The following BAHCC1 variants were observed in gnomAD, a reference collection of about 807,000 sequenced individuals.
BAHCC1 encodes the protein BAH domain and coiled-coil containing 1.
BAHCC1 carries 43 observed loss-of-function variants against 88.2 expected under a neutral mutation model. The ratio of observed to expected loss-of-function variants is 0.49; its 90% CI spans 0.38 to 0.63. BAHCC1 has a LOEUF of 0.63. Ranked by LOEUF, BAHCC1 falls within the 20% of genes least tolerant of loss-of-function variation. BAHCC1 has a pLI of 0.00. For synonymous variants in BAHCC1, 1,510 were observed against 745.5 expected, an observed-to-expected ratio of 2.03 and a Z score of -16.71; for missense variants, 3,023 against 1,654.8, an observed-to-expected ratio of 1.83 and a Z score of -14.34.
rs369124666 is a variant in BAHCC1 at position 81,442,264 on chromosome 17, C to T, written c.915C>T (p.Gly305=). Reference sequence around the variant, plus strand: ...CTGCGCTAGCCAGCTGTGCAGGGGGCATGCTGGGGCGGCCTGGCACGGGGG... The same window carrying T: ...CTGCGCTAGCCAGCTGTGCAGGGGGTATGCTGGGGCGGCCTGGCACGGGGG... The part of the protein sequence containing the change: ...GRAALASCAG[G]MLGRPGTGVV... Residue 305 remains glycine, a synonymous_variant, in exon 5 of 28, where the codon GGC becomes GGT. Coordinates refer to ENST00000675386, the MANE Select transcript of BAHCC1 (RefSeq NM_001377448.1). 1,677 of 626,180 alleles carry T rather than the reference C, an allele frequency of 2.7e-3. 34 individuals carry two copies. In the African/African-American group the frequency reaches 0.027, roughly 10 times the overall value. The allele number at this position is 626,180 out of a possible 1,614,324, so 38.8% of individuals were successfully genotyped here.
At chr17:81,426,091 T>TGGTGATAATTGTGGGTGATGTGGTTGGG (rs2064192914) in intron 2 of BAHCC1, among the ~76,000 whole-genome samples, 9 of 102,766 alleles carry the variant, frequency 8.8e-5, no homozygotes, top group African/African-American at 1.6e-4. Flanking sequence ...ATGTGGTTGG[T>TGGTGATAATTGTGGGTGATGTGGTTGGG]GGTGATAGTG....
At chr17:81,396,679 G>A (rs797034437) in intron 1 of BAHCC1, 4 of 152,198 alleles carry the variant, frequency 2.6e-5, no homozygotes, top group African/African-American at 9.6e-5. Flanking sequence ...TGCAAAAGCA[G>A]GAAACAAAGC....
chr17:81,404,049 G>A (rs1370228181), intron 2 of BAHCC1, among the ~76,000 whole-genome samples: 1 of 152,236 alleles, frequency 6.6e-6, no homozygotes, highest in African/African-American at 2.4e-5. Context: ...TGGAAAACGC[G>A]CGTCCCCCCA....
intron 3 of BAHCC1, among the ~76,000 whole-genome samples, chr17:81,436,849 A>G (rs1430548209): frequency 4.6e-5 from 7 of 151,234 alleles, no homozygotes; most frequent in African/African-American, 1.7e-4. Flanking sequence ...TCACCCTGTC[A>G]AGCAGGCCTC....
intron 3 of BAHCC1, among the ~76,000 whole-genome samples, chr17:81,427,789 C>T (rs2064217574): frequency 6.6e-6 from 1 of 152,214 alleles, no homozygotes; most frequent in Admixed American, 6.5e-5. Context: ...ACACAGGGCT[C>T]TCCGCTCCTG....
chr17:81,455,423 C>T, intron 15 of BAHCC1, 33 bp downstream of exon 15: 2 of 704,206 alleles, frequency 2.8e-6, no homozygotes, highest in Non-Finnish European at 5.2e-6. Flanking sequence ...TGCCCCAGGG[C>T]CCTTCAGGTC....
chr17:81,420,892 A>C lies in BAHCC1; in HGVS notation c.179-5908A>C, dbSNP rs544296761. Among the ~76,000 whole-genome samples, 6 of 152,342 alleles carry C rather than the reference A, an allele frequency of 3.9e-5. No individual in the cohort carries two copies. In the East Asian group the frequency reaches 1.2e-3, roughly 29 times the overall value. On this transcript the variant is annotated intron_variant, in intron 2 of 27. Coordinates refer to ENST00000675386, the MANE Select transcript of BAHCC1 (RefSeq NM_001377448.1). ...CCCCAGGCAGGCTCTGTGTGGGGCC[A>C]GGGTGCCCTGACCATGCACGCGGGT...
At chr17:81,426,746 TCAGGCCA>T (rs2064204679) in intron 2 of BAHCC1, 47 bp from the exon 3 acceptor site, 1 of 398,390 alleles carries the variant, frequency 2.5e-6, no homozygotes, top group Admixed American at 4.4e-5. Context: ...CTGCCCTGCC[TCAGGCCA>T]CACCCTGGGA....
In BAHCC1 at chr17:81,445,197, C is replaced by T; in HGVS notation, c.2835+19C>T. 4.0e-6 allele frequency: 3 copies of T among 754,474 alleles called. No individual in the cohort carries two copies. The highest frequency in any genetic ancestry group is 7.4e-6 in the Non-Finnish European group (3 of 406,364). 46.7% of individuals were successfully genotyped at this position (754,474 alleles called of 1,614,324 possible). A position where few individuals can be genotyped will look rare whatever the true frequency, so the allele number is the denominator to read the frequency against. Reference sequence around the variant, plus strand: ...GTTCCAGGTACCGCCCCTAGCCACGCTCACCTGGGCCGGGCACTTCTCCCC... The same window carrying T: ...GTTCCAGGTACCGCCCCTAGCCACGTTCACCTGGGCCGGGCACTTCTCCCC... On this transcript the variant is annotated intron_variant, in intron 9 of 27. Coordinates refer to ENST00000675386, the MANE Select transcript of BAHCC1 (RefSeq NM_001377448.1).
Position 81,451,952 on chromosome 17 carries a change from CCT to C in BAHCC1, c.4180-18_4180-17del. On this transcript the variant is annotated splice_polypyrimidine_tract_variant and intron_variant, in intron 12 of 27. Transcript: ENST00000675386. ...TGGGCCCTGGCCCGGCTCACAGGCC[CCT>C]GTGCCCCCCCCACCAGGTGTGCCCC... The C allele has an allele frequency of 1.6e-6, 1 of 612,742 alleles. No homozygotes were observed. The allele number at this position is 612,742 out of a possible 1,614,324, so 38.0% of individuals were successfully genotyped here.
intron 15 of BAHCC1, 133 bp from the exon 16 acceptor site, chr17:81,456,164 C>T: frequency 1.7e-6 from 1 of 592,894 alleles, no homozygotes; most frequent in East Asian, 2.9e-5. Context: ...TCCCTTCAGC[C>T]CCTGTGGATC....
chr17:81,439,667 C>T (rs1043923765), intron 4 of BAHCC1, among the ~76,000 whole-genome samples: 6 of 151,480 alleles, frequency 4.0e-5, no homozygotes, highest in African/African-American at 1.2e-4. Context: ...CCTGGGAGCC[C>T]GGGAGCCCAG....
intron 2 of BAHCC1, chr17:81,401,274 C>T (rs944210532): frequency 6.6e-6 from 1 of 152,662 alleles, no homozygotes; most frequent in Admixed American, 6.5e-5. Flanking sequence ...ATGGGGGAGC[C>T]GCCCAGTGGA....
At chr17:81,404,721 T>C (rs1210363742) in intron 2 of BAHCC1, among the ~76,000 whole-genome samples, 2 of 152,226 alleles carry the variant, frequency 1.3e-5, no homozygotes, top group African/African-American at 4.8e-5. Flanking sequence ...ACATATGTCA[T>C]CAGAGCTGGC....
At position 81,442,323 on chromosome 17, in the gene BAHCC1, C is replaced by T; in HGVS notation, c.974C>T (p.Ala325Val). 1.5e-6 allele frequency: 1 copy of T among 677,212 alleles called. No homozygotes were observed. 42.0% of individuals were successfully genotyped at this position (677,212 alleles called of 1,614,324 possible). The stretch of plus-strand genomic sequence containing the variant: ...TCCGGGCGCTGTGCAAAGGAGGCAG[C>T]AGGCCCCCCGGAGCCCGGGCCGGCC... ...VTSGRCAKEAAGPPEPGPAFS... is the reference protein window; with the variant it reads ...VTSGRCAKEAVGPPEPGPAFS... Residue 325 changes from alanine (A) to valine (V), a missense_variant, in exon 5 of 28, where the codon GCA becomes GTA. Coordinates refer to ENST00000675386, the MANE Select transcript of BAHCC1 (RefSeq NM_001377448.1).
intron 2 of BAHCC1, among the ~76,000 whole-genome samples, chr17:81,400,288 C>G (rs546965527): frequency 6.6e-6 from 1 of 152,218 alleles, no homozygotes; most frequent in South Asian, 2.1e-4. Flanking sequence ...GCTGGGACAA[C>G]GAGGCGCTTT....
Position 81,442,289 on chromosome 17 carries a change from G to C in BAHCC1, c.940G>C (p.Val314Leu), listed in dbSNP as rs782314841. 1.6e-6 allele frequency: 1 copy of C among 631,940 alleles called. No homozygotes were observed. The highest frequency in any genetic ancestry group is 1.8e-5 in the South Asian group (1 of 54,928). 39.1% of individuals were successfully genotyped at this position (631,940 alleles called of 1,614,324 possible). ...GGMLGRPGTG[V>L]VTSGRCAKEA... ...CATGCTGGGGCGGCCTGGCACGGGG[G>C]TGGTGACCTCCGGGCGCTGTGCAAA... Residue 314 changes from valine (V) to leucine (L), a missense_variant, in exon 5 of 28, where the codon GTG becomes CTG. By Grantham distance (32) the Val-to-Leu change is conservative (BLOSUM62 1). Transcript: ENST00000675386.
intron 11 of BAHCC1, among the ~76,000 whole-genome samples, chr17:81,450,192 G>A (rs1269133382): frequency 2.0e-5 from 3 of 152,142 alleles, no homozygotes; most frequent in African/African-American, 4.8e-5. Flanking sequence ...ACCCCACAGG[G>A]GTTCCGCAGT....
chr17:81,447,231 T>C lies in BAHCC1; in HGVS notation c.3359T>C (p.Leu1120Pro), dbSNP rs191224872. 4.3e-3 allele frequency: 3,142 copies of C among 730,508 alleles called. 23 individuals are homozygous for C. The highest frequency in any genetic ancestry group is 2.6e-3 in the Non-Finnish European group (1,040 of 396,332). The allele number at this position is 730,508 out of a possible 1,614,324, so 45.3% of individuals were successfully genotyped here. The change falls in exon 11 of 28, where the codon CTC becomes CCC. Residue 1120 changes from leucine (L) to proline (P), a missense_variant. Transcript: ENST00000675386. Reference sequence around the variant, plus strand: ...AGGAGCCTGGAGGAGCCCGGGCTGCTCTCAGGGGCCAGGGAGGCCACCCAG... The same window carrying C: ...AGGAGCCTGGAGGAGCCCGGGCTGCCCTCAGGGGCCAGGGAGGCCACCCAG... Reference protein sequence around the residue: ...SPRSLEEPGLLSGAREATQDL... With the variant: ...SPRSLEEPGLPSGAREATQDL...
Sources: allele counts gnomAD v4.1 joint callset (sites outside exome capture counted in the v4.1 genomes callset), GRCh38; gene constraint gnomAD v4.1.1; transcripts MANE v1.5; gene names NCBI Gene and HGNC (gene_info 2026-07-23, HGNC 2026-07-21).